Variants in ZNF175 observed in about 807,000 individuals in gnomAD.
ZNF175 encodes the protein zinc finger protein OTK18.
In ZNF175, 8 loss-of-function variants were observed where a neutral mutation model predicts 14.0. The observed-to-expected ratio is 0.57, with a 90% CI of 0.34 to 1.03. ZNF175 has a LOEUF of 1.03. Among genes scored for constraint, ZNF175 ranks in the 50% least tolerant of loss-of-function variants. The probability of loss-of-function intolerance (pLI) is 0.03; values close to 1 mark genes in which losing one functional copy is unlikely to be tolerated. For synonymous variants in ZNF175, 255 were observed against 296.8 expected (o/e 0.86, Z 1.45); for missense variants, 764 against 849.5 (o/e 0.90, Z 1.25).
At chr19:51,574,477 C>G (rs964616035) in intron 2 of ZNF175, among the ~76,000 whole-genome samples, 3 of 152,062 alleles carry the variant, frequency 2.0e-5, no homozygotes, top group Non-Finnish European at 4.4e-5. Flanking sequence ...GAGTTGGAGA[C>G]CAGCCTGGGC....
At chr19:51,585,765 C>T (rs1010072482) in intron 4 of ZNF175, among the ~76,000 whole-genome samples, 20 of 151,744 alleles carry the variant, frequency 1.3e-4, no homozygotes, top group African/African-American at 4.8e-4. Context: ...AAAAACAAAA[C>T]AAAACAAAAA....
rs1295009451 is a variant in ZNF175 at position 51,588,179 on chromosome 19, CT to C, written c.1849del (p.Cys617ValfsTer14). ...CTCACACTAGAGAGAGGCCTTTTGTCTGTTACAAATGTGGGAAGGCTTTTGT... is the reference window on the plus strand; with the variant it reads ...CTCACACTAGAGAGAGGCCTTTTGTCGTTACAAATGTGGGAAGGCTTTTGT... Reference protein sequence around the residue: ...ITHTRERPFVCYKCGKAFVQK... With the variant: ...ITHTRERPFVXYKCGKAFVQK... On this transcript the variant is annotated frameshift_variant, in exon 5 of 5. Coordinates refer to ENST00000262259, the MANE Select transcript of ZNF175 (RefSeq NM_007147.4). LOFTEE classifies it low-confidence loss of function (END_TRUNC). 1 of 1,613,810 alleles carries C rather than the reference CT, an allele frequency of 6.2e-7. No homozygotes were observed. Among genetic ancestry groups the C allele is most frequent in the East Asian group, 2.2e-5 (1 of 44,890 alleles).
intron 4 of ZNF175, among the ~76,000 whole-genome samples, chr19:51,582,933 G>A (rs951012726): frequency 2.6e-5 from 4 of 151,860 alleles, no homozygotes; most frequent in Admixed American, 6.6e-5. Context: ...TTGGCTCACC[G>A]CAACCTCCGC....
chr19:51,584,575 T>C (rs1982108813), intron 4 of ZNF175, among the ~76,000 whole-genome samples: 1 of 152,192 alleles, frequency 6.6e-6, no homozygotes, highest in South Asian at 2.1e-4. Flanking sequence ...GGGGACACAG[T>C]GGAAGATTGC....
At chr19:51,578,330 G>T (rs1238352310) in intron 2 of ZNF175, among the ~76,000 whole-genome samples, 2 of 152,002 alleles carry the variant, frequency 1.3e-5, no homozygotes, top group African/African-American at 2.4e-5. Context: ...AACCCGGGAG[G>T]TGGAGGTTGC....
At chr19:51,572,271 GC>G (rs1446322286) in intron 1 of ZNF175, among the ~76,000 whole-genome samples, 1 of 152,188 alleles carries the variant, frequency 6.6e-6, no homozygotes, top group Non-Finnish European at 1.5e-5. Context: ...CTTTCTGGCA[GC>G]CCTGTAGTAC....
In ZNF175 at chr19:51,587,579, G is replaced by C; in HGVS notation, c.1248G>C (p.Glu416Asp). ...TACATCAGAAAATTCATACTGGTGA[G>C]AGACAGTATGCATGCAGTGAATGTG... Reference protein sequence around the residue: ...LIIHQKIHTGERQYACSECGK... With the variant: ...LIIHQKIHTGDRQYACSECGK... Residue 416 changes from glutamate to aspartate, a missense_variant, in exon 5 of 5, where the codon GAG becomes GAC. By Grantham distance (45) the Glu-to-Asp change is conservative (BLOSUM62 2). Coordinates refer to ENST00000262259, the MANE Select transcript of ZNF175 (RefSeq NM_007147.4). 6.2e-7 allele frequency: 1 copy of C among 1,614,160 alleles called. No homozygotes were observed. Among genetic ancestry groups the C allele is most frequent in the Admixed American group, 1.7e-5 (1 of 60,024 alleles).
chr19:51,580,155 A>C (rs1278320881), intron 2 of ZNF175, among the ~76,000 whole-genome samples: 1 of 152,152 alleles, frequency 6.6e-6, no homozygotes, highest in Non-Finnish European at 1.5e-5. Context: ...TTCACGGTTC[A>C]TGTTTTATTT....
chr19:51,575,460 G>A (rs951915816), intron 2 of ZNF175, among the ~76,000 whole-genome samples: 2 of 151,966 alleles, frequency 1.3e-5, no homozygotes, highest in African/African-American at 2.4e-5. Context: ...CTCGTGATCC[G>A]CCTGCCTCAG....
At chr19:51,574,284 A>C in intron 2 of ZNF175, 1 of 147,470 alleles carries the variant, frequency 6.8e-6, no homozygotes, top group South Asian at 2.2e-4. Flanking sequence ...GATAATAGAA[A>C]GTATTAAAAG....
chr19:51,572,061 G>A (rs531829449), intron 1 of ZNF175, among the ~76,000 whole-genome samples: 20 of 152,120 alleles, frequency 1.3e-4, no homozygotes, highest in Non-Finnish European at 2.8e-4. Context: ...CTTGGACATG[G>A]TAAGGATCAG....
chr19:51,592,416 G>A lies in ZNF175; in HGVS notation c.*3949G>A, dbSNP rs938521638. On this transcript the variant is annotated 3_prime_UTR_variant, in exon 5 of 5. Coordinates refer to ENST00000262259, the MANE Select transcript of ZNF175 (RefSeq NM_007147.4). ...AAAGTCAAGCATTAGAATGGTGGCT[G>A]TCCACCATGAGTACAACACAAATGC... 3.1e-5 allele frequency: 15 copies of A among 484,342 alleles called. No individual in the cohort carries two copies. Among genetic ancestry groups the A allele is most frequent in the Non-Finnish European group, 5.0e-5 (14 of 278,636 alleles). The allele number at this position is 484,342 out of a possible 1,614,324, so 30.0% of individuals were successfully genotyped here. A position where few individuals can be genotyped will look rare whatever the true frequency, so the allele number is the denominator to read the frequency against.
chr19:51,586,807 G>C lies in ZNF175; in HGVS notation c.476G>C (p.Ser159Thr). 2 of 1,614,186 alleles carry C rather than the reference G, an allele frequency of 1.2e-6. No homozygotes were observed. The highest frequency in any genetic ancestry group is 8.5e-7 in the Non-Finnish European group (1 of 1,180,030). ...EQNQIQPMSH[S>T]AFFNKKTLNT... is the part of the protein sequence containing the mutation. ...AATCAAATTCAACCCATGAGTCACA[G>C]TGCTTTCTTCAACAAGAAAACATTG... The change falls in exon 5 of 5, where the codon AGT becomes ACT. Residue 159 changes from serine to threonine, a missense_variant. Coordinates refer to ENST00000262259, the MANE Select transcript of ZNF175 (RefSeq NM_007147.4).
intron 2 of ZNF175, among the ~76,000 whole-genome samples, chr19:51,577,662 T>TC (rs1981833873): frequency 7.6e-6 from 1 of 132,228 alleles, no homozygotes; most frequent in Non-Finnish European, 1.6e-5. Flanking sequence ...CCTTTCTCTC[T>TC]CTTTTTTTTT....
intron 2 of ZNF175, among the ~76,000 whole-genome samples, chr19:51,579,056 C>T (rs1296460357): frequency 1.3e-5 from 2 of 152,078 alleles, no homozygotes; most frequent in African/African-American, 4.8e-5. Flanking sequence ...AGTTTAAGAC[C>T]AGCCTGGCCA....
At chr19:51,572,870 T>A (rs1981641655) in intron 1 of ZNF175, among the ~76,000 whole-genome samples, 1 of 152,222 alleles carries the variant, frequency 6.6e-6, no homozygotes, top group African/African-American at 2.4e-5. Context: ...CTTGGTTAAG[T>A]TTCCCAACAT....
rs549883532 is a variant in ZNF175 at position 51,589,056 on chromosome 19, T to C, written c.*589T>C. The C allele has an allele frequency of 1.8e-4, 42 of 235,240 alleles. No homozygotes were observed. Among genetic ancestry groups the C allele is most frequent in the African/African-American group, 8.7e-4 (39 of 45,022 alleles). The allele number at this position is 235,240 out of a possible 1,614,324, so 14.6% of individuals were successfully genotyped here. ...TTTTGGAATATTTGCATTATATTTA[T>C]TGGTTGAGCATCCCTAATCTGAAAA... On this transcript the variant is annotated 3_prime_UTR_variant, in exon 5 of 5. Transcript: ENST00000262259.
At chr19:51,573,912 T>C (rs1981683993) in intron 2 of ZNF175, 1 of 159,826 alleles carries the variant, frequency 6.3e-6, no homozygotes, top group African/African-American at 2.4e-5. Flanking sequence ...AAACACTTTT[T>C]CCTGTTTAAA....
intron 2 of ZNF175, among the ~76,000 whole-genome samples, chr19:51,578,662 G>A (rs1256718207): frequency 1.3e-5 from 2 of 152,316 alleles, no homozygotes; most frequent in East Asian, 3.9e-4. Flanking sequence ...CAGCTACTCA[G>A]GAGGCTGACA....
Sources: allele counts gnomAD v4.1 joint callset (sites outside exome capture counted in the v4.1 genomes callset), GRCh38; gene constraint gnomAD v4.1.1; transcripts MANE v1.5; gene names NCBI Gene and HGNC (gene_info 2026-07-23, HGNC 2026-07-21).